Variants in FOCAD observed in about 807,000 individuals in gnomAD.
FOCAD encodes focadhesin, also known as KIAA1797.
Under a neutral mutation model 225.6 loss-of-function variants are expected in FOCAD, and 198 were observed. The ratio of observed to expected loss-of-function variants is 0.88; its 90% CI spans 0.78 to 0.99. The LOEUF is 0.99. Ranked by LOEUF, FOCAD falls within the 50% of genes least tolerant of loss-of-function variation. The pLI, the probability that FOCAD is intolerant of heterozygous loss-of-function variation, is 0.00. For synonymous variants in FOCAD, 897 were observed against 755.0 expected (o/e 1.19, Z -3.08); for missense variants, 2,713 against 2,123.6 (o/e 1.28, Z -5.46).
chr9:20,952,974 T>C lies in FOCAD; in HGVS notation c.4052-11T>C. 1.2e-6 allele frequency: 2 copies of C among 1,610,034 alleles called. No homozygotes were observed. The highest frequency in any genetic ancestry group is 1.7e-6 in the Non-Finnish European group (2 of 1,176,840). ...TTCACTGGTTAATTTGATCATTTTC[T>C]GTCTCCACAGTTCCTACTGACTATA... is the stretch of plus-strand genomic sequence containing the variant. On this transcript the variant is annotated splice_polypyrimidine_tract_variant and intron_variant, in intron 34 of 43. Transcript: ENST00000338382.
chr9:20,672,437 A>C (rs1395579582), intron 2 of FOCAD, among the ~76,000 whole-genome samples: 1 of 152,212 alleles, frequency 6.6e-6, no homozygotes, highest in African/African-American at 2.4e-5. Context: ...GTTATAACTT[A>C]AAAATAAATT....
intron 2 of FOCAD, among the ~76,000 whole-genome samples, chr9:20,662,463 G>T (rs1373558971): frequency 6.6e-6 from 1 of 152,148 alleles, no homozygotes; most frequent in Non-Finnish European, 1.5e-5. Flanking sequence ...TTTAGTCTGG[G>T]ACAACTCCGA....
In FOCAD at chr9:20,819,789, A is replaced by G. The variant is rs372636831; in HGVS notation, c.1456-7A>G. ...CATATTTAATATATTTTAAAAATTC[A>G]TTTTAGGTGCCAAATCTGATTCCAG... On this transcript the variant is annotated splice_region_variant and splice_polypyrimidine_tract_variant and intron_variant, in intron 11 of 43. Transcript: ENST00000338382. 1.3e-6 allele frequency: 2 copies of G among 1,487,546 alleles called. No individual in the cohort carries two copies. The highest frequency in any genetic ancestry group is 2.9e-5 in the African/African-American group (2 of 69,424). The allele number at this position is 1,487,546 out of a possible 1,614,324, so 92.1% of individuals were successfully genotyped here.
chr9:20,719,067 A>G (rs1299724878), intron 3 of FOCAD, among the ~76,000 whole-genome samples: 1 of 152,136 alleles, frequency 6.6e-6, no homozygotes, highest in African/African-American at 2.4e-5. Flanking sequence ...AAGTGGGTAC[A>G]AAATGATGTT....
intron 11 of FOCAD, among the ~76,000 whole-genome samples, chr9:20,817,868 G>A (rs1388793854): frequency 1.3e-5 from 2 of 152,122 alleles, no homozygotes; most frequent in African/African-American, 4.8e-5. Flanking sequence ...ATTTTGTGTG[G>A]ACATATGTGT....
chr9:20,734,512 A>T (rs1281519320), intron 4 of FOCAD, among the ~76,000 whole-genome samples: 1 of 152,252 alleles, frequency 6.6e-6, no homozygotes, highest in Non-Finnish European at 1.5e-5. Flanking sequence ...CACATGCATA[A>T]ATCTGTTTGC....
chr9:20,943,864 A>C (rs950968854), intron 28 of FOCAD, among the ~76,000 whole-genome samples: 6 of 152,224 alleles, frequency 3.9e-5, no homozygotes, highest in African/African-American at 1.4e-4. Context: ...GCATTATCTT[A>C]CCATACTATC....
chr9:20,891,830 A>G (rs528659742), intron 21 of FOCAD, among the ~76,000 whole-genome samples: 7 of 152,210 alleles, frequency 4.6e-5, no homozygotes, highest in Non-Finnish European at 1.0e-4. Context: ...CACATTTTCA[A>G]TGTAGGTGAA....
At chr9:20,681,155 G>C (rs376070288), upstream of FOCAD, among the ~76,000 whole-genome samples, 6 of 152,226 alleles carry the variant, frequency 3.9e-5, no homozygotes, top group African/African-American at 1.4e-4. Flanking sequence ...GATTAAATCA[G>C]TGAAGCGTAA....
chr9:20,948,761 C>A, intron 31 of FOCAD, 90 bp from the exon 32 acceptor site: 1 of 1,391,640 alleles, frequency 7.2e-7, no homozygotes, highest in Non-Finnish European at 1.0e-6. Flanking sequence ...ACCAATTCGA[C>A]CATTTATTTC....
chr9:20,943,595 A>C (rs970122185), intron 28 of FOCAD, among the ~76,000 whole-genome samples: 1 of 152,162 alleles, frequency 6.6e-6, no homozygotes, highest in African/African-American at 2.4e-5. Flanking sequence ...AGTAAGTAAC[A>C]TGTTCATAAA....
chr9:20,735,438 A>G (rs1257329905), intron 4 of FOCAD, among the ~76,000 whole-genome samples: 1 of 152,046 alleles, frequency 6.6e-6, no homozygotes, highest in African/African-American at 2.4e-5. Context: ...CTTGTAGTCT[A>G]CATGCTTTTT....
rs1819696718 is a variant in FOCAD at position 20,784,346 on chromosome 9, A to T, written c.1197+2417A>T. 2.0e-5 allele frequency among the ~76,000 whole-genome samples: 3 copies of T among 152,204 alleles called. No homozygotes were observed. In the South Asian group the frequency reaches 6.2e-4, roughly 31 times the overall value. On this transcript the variant is annotated intron_variant, in intron 10 of 43. Coordinates refer to ENST00000338382, the MANE Select transcript of FOCAD (RefSeq NM_001375567.1). Reference sequence around the variant, plus strand: ...ATGCTCTCTATTGACAAGGTCTAACACTAGACCAGAGGGCAAAGGAGAAAT... The same window carrying T: ...ATGCTCTCTATTGACAAGGTCTAACTCTAGACCAGAGGGCAAAGGAGAAAT...
chr9:20,779,658 G>A (rs1819165819), intron 9 of FOCAD, among the ~76,000 whole-genome samples: 1 of 151,792 alleles, frequency 6.6e-6, no homozygotes, highest in Non-Finnish European at 1.5e-5. Context: ...GCTGAGGCAG[G>A]ATAATCACCT....
chr9:20,968,540 C>G (rs896659592), intron 35 of FOCAD, among the ~76,000 whole-genome samples: 1 of 135,934 alleles, frequency 7.4e-6, no homozygotes, highest in Non-Finnish European at 1.5e-5. Flanking sequence ...CTCCTGGGTT[C>G]AAGTGATTCT....
chr9:20,962,071 G>A (rs769604764), intron 35 of FOCAD, among the ~76,000 whole-genome samples: 8 of 152,040 alleles, frequency 5.3e-5, no homozygotes, highest in Non-Finnish European at 1.2e-4. Context: ...TATGGACTTA[G>A]TGTAGAAAAA....
intron 34 of FOCAD, 146 bp from the exon 35 acceptor site, chr9:20,952,839 T>C: frequency 1.5e-6 from 1 of 672,154 alleles, no homozygotes. Flanking sequence ...TAGAATTAGT[T>C]GCAGCCACAA....
intron 29 of FOCAD, 136 bp from the exon 30 acceptor site, chr9:20,946,565 T>C: frequency 4.7e-6 from 4 of 850,406 alleles, no homozygotes; most frequent in Non-Finnish European, 7.1e-6. Flanking sequence ...AGAAAAACAG[T>C]GCCCAATCCA....
At chr9:20,803,485 A>G (rs559957080) in intron 11 of FOCAD, among the ~76,000 whole-genome samples, 2 of 152,200 alleles carry the variant, frequency 1.3e-5, no homozygotes, top group Admixed American at 1.3e-4. Context: ...CAGTATAGGG[A>G]TTGGCTTATA....
Sources: allele counts gnomAD v4.1 joint callset (sites outside exome capture counted in the v4.1 genomes callset), GRCh38; gene constraint gnomAD v4.1.1; transcripts MANE v1.5; gene names NCBI Gene and HGNC (gene_info 2026-07-23, HGNC 2026-07-21).